ALDH3A1: variants seen among roughly 807,000 people sequenced by gnomAD.
The protein encoded by ALDH3A1 is aldehyde dehydrogenase, dimeric NADP-preferring.
ALDH3A1 carries 46 observed loss-of-function variants against 49.9 expected under a neutral mutation model. The ratio of observed to expected loss-of-function variants is 0.92; its 90% CI spans 0.73 to 1.18. The LOEUF is 1.18. Among genes scored for constraint, ALDH3A1 ranks in the 50% most tolerant of loss-of-function variants. The pLI, the probability that ALDH3A1 is intolerant of heterozygous loss-of-function variation, is 0.00. For synonymous variants in ALDH3A1, 269 were observed against 253.3 expected, an observed-to-expected ratio of 1.06 and a Z score of -0.59; for missense variants, 592 against 611.8, an observed-to-expected ratio of 0.97 and a Z score of 0.34.
chr17:19,738,816 C>T (rs772927237), intron 9 of ALDH3A1, among the ~76,000 whole-genome samples, 180 bp downstream of exon 9: 1 of 152,200 alleles, frequency 6.6e-6, no homozygotes, highest in Non-Finnish European at 1.5e-5. Flanking sequence ...CTCTAGGAAC[C>T]TCTAGGCTCC....
intron 4 of ALDH3A1, 143 bp from the exon 5 acceptor site, chr17:19,742,355 G>T: frequency 8.9e-7 from 1 of 1,120,722 alleles, no homozygotes; most frequent in Non-Finnish European, 1.3e-6. Flanking sequence ...GTAACTGGCA[G>T]TAGACCGCCT....
Position 19,739,877 on chromosome 17 carries a change from G to A in ALDH3A1, c.950-203C>T, listed in dbSNP as rs535615769. 2.0e-5 allele frequency among the ~76,000 whole-genome samples: 3 copies of A among 152,292 alleles called. No individual in the cohort carries two copies. In the East Asian group the frequency reaches 5.8e-4, roughly 29 times the overall value. ...AGCAGACCACTGGGGACAACTATAG[G>A]TTAACCTGTACGGAAGGACCCGAGA... On this transcript the variant is annotated intron_variant, in intron 7 of 10. Coordinates refer to ENST00000225740, the MANE Select transcript of ALDH3A1 (RefSeq NM_000691.5).
chr17:19,740,900 A>T (rs2086479232), intron 6 of ALDH3A1, among the ~76,000 whole-genome samples, 193 bp downstream of exon 6: 1 of 152,188 alleles, frequency 6.6e-6, no homozygotes, highest in Non-Finnish European at 1.5e-5. Context: ...TTCTGGCCTC[A>T]AGTGATCCTC....
chr17:19,742,339 G>T (rs548455276), intron 4 of ALDH3A1, 127 bp from the exon 5 acceptor site: 122 of 1,181,234 alleles, frequency 1.0e-4, no homozygotes, highest in Non-Finnish European at 1.4e-4. Context: ...TGGGCGGGGG[G>T]TAGCAGTAAC....
rs1363733350 is a variant in ALDH3A1 at position 19,739,079 on chromosome 17, A to G, written c.1133T>C (p.Ile378Thr). 3 of 1,613,720 alleles carry G rather than the reference A, an allele frequency of 1.9e-6. No individual in the cohort carries two copies. Among genetic ancestry groups the G allele is most frequent in the Non-Finnish European group, 2.5e-6 (3 of 1,179,920 alleles). The change falls in exon 9 of 11, where the codon ATT becomes ACT. Residue 378 changes from isoleucine (I) to threonine (T), a missense_variant. By Grantham distance (89) the Ile-to-Thr change is moderately conservative. Transcript: ENST00000225740. ...CACCCCACCACTGGATGTCTCTGCA[A>G]TCATCTTCTTAATCACCTGCACCAG... ...SSNDKVIKKM[I>T]AETSSGGVAA...
intron 2 of ALDH3A1, chr17:19,744,105 G>A: frequency 1.0e-6 from 1 of 985,384 alleles, no homozygotes; most frequent in Non-Finnish European, 1.2e-6. Context: ...TTCTTGAAAA[G>A]TGCAGTAGCA....
rs1364890580 is a variant in ALDH3A1, at chr17:19,742,329, T to TG, written c.481-118dup. 1,915 of 1,225,522 alleles carry TG rather than the reference T, an allele frequency of 1.6e-3. 17 individuals are homozygous for TG. In the African/African-American group the frequency reaches 0.025, roughly 16 times the overall value. 75.9% of individuals were successfully genotyped at this position (1,225,522 alleles called of 1,614,324 possible). ...AGCCCCGAAGCTCAGCACCCCACCT[T>TG]GGGCGGGGGGTAGCAGTAACTGGCA... On this transcript the variant is annotated intron_variant, in intron 4 of 10. Coordinates refer to ENST00000225740, the MANE Select transcript of ALDH3A1 (RefSeq NM_000691.5).
At chr17:19,739,698 T>G (rs751684503) in intron 7 of ALDH3A1, 24 bp from the exon 8 acceptor site, 1 of 1,611,810 alleles carries the variant, frequency 6.2e-7, no homozygotes, top group African/African-American at 1.3e-5. Context: ...CAAGCCAGAG[T>G]TGGACGGCGC....
chr17:19,747,588 G>A (rs2086617145), intron 1 of ALDH3A1, among the ~76,000 whole-genome samples: 1 of 152,148 alleles, frequency 6.6e-6, no homozygotes, highest in African/African-American at 2.4e-5. Flanking sequence ...CGAGAGACAG[G>A]TTAACAAAGG....
chr17:19,742,769 A>G, intron 3 of ALDH3A1, 139 bp from the exon 4 acceptor site: 1 of 1,542,788 alleles, frequency 6.5e-7, no homozygotes, highest in Non-Finnish European at 8.7e-7. Context: ...AAACAAGCAC[A>G]TGTCACGGGG....
At chr17:19,740,274 T>C (rs947614852) in intron 7 of ALDH3A1, 62 bp downstream of exon 7, 4 of 1,593,288 alleles carry the variant, frequency 2.5e-6, no homozygotes, top group Non-Finnish European at 3.4e-6. Context: ...CCACTTGCTG[T>C]GAACTTGCTG....
At chr17:19,746,422 A>G (rs1198269931) in intron 1 of ALDH3A1, among the ~76,000 whole-genome samples, 1 of 152,148 alleles carries the variant, frequency 6.6e-6, no homozygotes, top group Non-Finnish European at 1.5e-5. Context: ...GATTAGTGGT[A>G]GGAGGTAAGG....
chr17:19,740,429 T>C lies in ALDH3A1; in HGVS notation c.856A>G (p.Ile286Val). The C allele has an allele frequency of 1.9e-6, 3 of 1,614,126 alleles. No homozygotes were observed. The highest frequency in any genetic ancestry group is 1.7e-6 in the Non-Finnish European group (2 of 1,180,026). ...AKKSRDYGRI[I>V]SARHFQRVMG... Reference sequence around the variant, plus strand: ...ACCCTCTGGAAGTGCCGGGCACTAATGATTCTTCCATAGTCCCGGGATTTC... The same window carrying C: ...ACCCTCTGGAAGTGCCGGGCACTAACGATTCTTCCATAGTCCCGGGATTTC... The change falls in exon 7 of 11, where the codon ATT becomes GTT. Residue 286 changes from isoleucine (I) to valine (V), a missense_variant. Ile to Val is a conservative substitution (Grantham distance 29). Transcript: ENST00000225740.
At chr17:19,747,164 G>A (rs1372022388) in intron 1 of ALDH3A1, among the ~76,000 whole-genome samples, 1 of 152,036 alleles carries the variant, frequency 6.6e-6, no homozygotes, top group Non-Finnish European at 1.5e-5. Flanking sequence ...TAATTATATT[G>A]TATATAGATA....
chr17:19,742,738 G>A (rs1402812987), intron 3 of ALDH3A1, 108 bp from the exon 4 acceptor site: 1 of 1,575,580 alleles, frequency 6.3e-7, no homozygotes, highest in Non-Finnish European at 8.6e-7. Flanking sequence ...CCTCGGGACA[G>A]TGGATGGAAG....
At chr17:19,747,661 G>A (rs2086617995) in intron 1 of ALDH3A1, among the ~76,000 whole-genome samples, 1 of 152,104 alleles carries the variant, frequency 6.6e-6, no homozygotes, top group African/African-American at 2.4e-5. Flanking sequence ...GGGAGCTGCT[G>A]CAGCATGCAC....
At chr17:19,738,959 G>GT (rs11385990) in intron 9 of ALDH3A1, 37 bp downstream of exon 9, 3 of 1,588,866 alleles carry the variant, frequency 1.9e-6, no homozygotes, top group Admixed American at 1.7e-5. Context: ...CAGCCCTGGG[G>GT]CCCAGAGGGA....
intron 7 of ALDH3A1, 82 bp downstream of exon 7, chr17:19,740,254 G>A: frequency 1.3e-6 from 2 of 1,567,040 alleles, no homozygotes; most frequent in East Asian, 4.5e-5. Context: ...CGCTTATCAA[G>A]CATCTGTGCC....
At position 19,742,617 on chromosome 17, in the gene ALDH3A1, G is replaced by T; in HGVS notation, c.408C>A (p.Val136=). 6.2e-7 allele frequency: 1 copy of T among 1,613,970 alleles called. No individual in the cohort carries two copies. The highest frequency in any genetic ancestry group is 8.5e-7 in the Non-Finnish European group (1 of 1,180,006). The part of the protein sequence containing the change: ...VGAIAAGNSV[V]LKPSELSENM... ...TCTCACTCAGCTCCGAGGGCTTGAGGACCACTGAGTTCCCTGCAGAGCACA... is the reference window on the plus strand; with the variant it reads ...TCTCACTCAGCTCCGAGGGCTTGAGTACCACTGAGTTCCCTGCAGAGCACA... Residue 136 remains valine, a synonymous_variant, in exon 4 of 11, where the codon GTC becomes GTA. Transcript: ENST00000225740.
Sources: gnomAD v4.1 joint callset for allele counts (sites outside exome capture counted in the v4.1 genomes callset) on GRCh38, gnomAD v4.1.1 for gene constraint, MANE v1.5 for transcripts, NCBI Gene and HGNC (gene_info 2026-07-23, HGNC 2026-07-21) for gene names.